DMD: variants seen among roughly 807,000 people sequenced by gnomAD.
DMD encodes the protein dystrophin.
DMD carries 63 observed loss-of-function variants against 330.1 expected under a neutral mutation model. The ratio of observed to expected loss-of-function variants is 0.19; its 90% CI spans 0.16 to 0.24. DMD has a LOEUF of 0.24. Ranked by LOEUF, DMD falls within the 10% of genes least tolerant of loss-of-function variation. The pLI, the probability that DMD is intolerant of heterozygous loss-of-function variation, is 1.00. For missense variants in DMD, 3,344 were observed against 2,684.1 expected, an observed-to-expected ratio of 1.25 and a Z score of -5.43; for synonymous variants, 1,223 against 959.8, an observed-to-expected ratio of 1.27 and a Z score of -5.07.
intron 1 of DMD, among the ~76,000 whole-genome samples, chrX:33,074,579 G>C (rs919264542): frequency 5.4e-5 from 6 of 110,934 alleles, no homozygotes; most frequent in African/African-American, 2.0e-4. Flanking sequence ...TGAAAGTTCT[G>C]CCCTAATGGA....
chrX:32,739,156 G>T (rs951192363), intron 7 of DMD, among the ~76,000 whole-genome samples: 1 of 111,577 alleles, frequency 9.0e-6, no homozygotes, highest in African/African-American at 3.3e-5. Flanking sequence ...ATGAGGAAAA[G>T]GCTCAGGGAT....
chrX:32,589,755 T>C (rs1280558713), intron 13 of DMD, among the ~76,000 whole-genome samples: 1 of 111,611 alleles, frequency 9.0e-6, no homozygotes, highest in East Asian at 2.8e-4. Context: ...GTATATGATA[T>C]TCTAACTCCT....
intron 60 of DMD, among the ~76,000 whole-genome samples, chrX:31,369,991 C>T (rs1263605540): frequency 7.5e-5 from 8 of 106,985 alleles, no homozygotes; most frequent in East Asian, 2.9e-4. Context: ...CCCAGCTACT[C>T]GGGAGGCTGA....
chrX:32,738,395 A>G (rs1361563493), intron 7 of DMD, among the ~76,000 whole-genome samples: 2 of 111,656 alleles, frequency 1.8e-5, no homozygotes, highest in Non-Finnish European at 3.8e-5. Context: ...CCTATTAGTT[A>G]TCTGTATAAT....
chrX:32,500,603 T>G lies in DMD; in HGVS notation c.2380+1152A>C, dbSNP rs183867082. Among the ~76,000 whole-genome samples, 31 of 111,895 alleles carry G rather than the reference T, an allele frequency of 2.8e-4. No homozygotes were observed. In the East Asian group the frequency reaches 8.1e-3, roughly 29 times the overall value. On this transcript the variant is annotated intron_variant, in intron 19 of 78. Transcript: ENST00000357033. ...TACATAACAACTAGGAGAATATTTT[T>G]AGATCACATAATTTTATTTAACATG...
chrX:32,658,350 C>CT (rs1252056984), intron 9 of DMD, among the ~76,000 whole-genome samples: 2 of 111,022 alleles, frequency 1.8e-5, no homozygotes, highest in Non-Finnish European at 3.8e-5. Context: ...TAACCTTAAG[C>CT]TTTTTTCTGT....
chrX:31,144,036 T>C (rs1324719501), intron 76 of DMD, among the ~76,000 whole-genome samples: 1 of 111,927 alleles, frequency 8.9e-6, no homozygotes, highest in African/African-American at 3.2e-5. Context: ...GAGATTGCCT[T>C]AAATCATGGA....
At chrX:31,615,004 A>G (rs1324671757) in intron 55 of DMD, among the ~76,000 whole-genome samples, 4 of 111,670 alleles carry the variant, frequency 3.6e-5, no homozygotes, top group Non-Finnish European at 3.8e-5. Flanking sequence ...TATCCCCTCA[A>G]TTTACACTTT....
intron 51 of DMD, among the ~76,000 whole-genome samples, chrX:31,736,280 A>G (rs994298081): frequency 1.8e-5 from 2 of 112,049 alleles, no homozygotes; most frequent in Non-Finnish European, 1.9e-5. Flanking sequence ...GGCCTCAGGA[A>G]AAGCTGAACA....
At chrX:32,516,390 A>G (rs1053801172) in intron 18 of DMD, among the ~76,000 whole-genome samples, 2 of 112,008 alleles carry the variant, frequency 1.8e-5, no homozygotes, top group African/African-American at 3.2e-5. Context: ...CTCACAAGGT[A>G]TCAGAAAACC....
intron 48 of DMD, among the ~76,000 whole-genome samples, chrX:31,869,404 ATTT>A (rs34962396): frequency 1.8e-4 from 15 of 83,137 alleles, no homozygotes; most frequent in Admixed American, 5.8e-4. Context: ...AAACGACATG[ATTT>A]TTTTTTTTTT....
chrX:33,028,364 G>T (rs1273094757), intron 1 of DMD, among the ~76,000 whole-genome samples: 1 of 111,828 alleles, frequency 8.9e-6, no homozygotes, highest in Non-Finnish European at 1.9e-5. Context: ...TATATTAAGA[G>T]AACTAACTTG....
intron 1 of DMD, among the ~76,000 whole-genome samples, chrX:33,320,572 C>T (rs925018715): frequency 8.9e-6 from 1 of 112,302 alleles, no homozygotes; most frequent in African/African-American, 3.2e-5. Flanking sequence ...AATCTTTTTG[C>T]TAGTGGAGGC....
intron 1 of DMD, among the ~76,000 whole-genome samples, chrX:33,133,301 A>G (rs745569713): frequency 7.3e-4 from 81 of 111,626 alleles, no homozygotes; most frequent in Non-Finnish European, 8.1e-4. Context: ...TTAAAACTAG[A>G]ACTGCAATAA....
chrX:31,948,858 T>C (rs1036141072), intron 45 of DMD, among the ~76,000 whole-genome samples: 1 of 111,353 alleles, frequency 9.0e-6, no homozygotes, highest in East Asian at 2.8e-4. Context: ...TGACCATAAA[T>C]ATAAGAGTTT....
Position 31,311,580 on chromosome X carries a change from G to A in DMD, c.9224+12018C>T, listed in dbSNP as rs111716243. Among the ~76,000 whole-genome samples the A allele has an allele frequency of 2.5e-3, 275 of 111,636 alleles. 2 individuals are homozygous for A. Among genetic ancestry groups the A allele is most frequent in the African/African-American group, 8.7e-3 (266 of 30,714 alleles). On this transcript the variant is annotated intron_variant, in intron 62 of 78. Coordinates refer to ENST00000357033, the MANE Select transcript of DMD (RefSeq NM_004006.3). The stretch of plus-strand genomic sequence containing the variant: ...GTAGTATAGTTTGAATTCAGGTGGT[G>A]TGATGCCTCTAGCTTTGTTCTTTTT...
At chrX:32,008,193 G>A (rs1456442124) in intron 44 of DMD, among the ~76,000 whole-genome samples, 1 of 110,998 alleles carries the variant, frequency 9.0e-6, no homozygotes, top group Non-Finnish European at 1.9e-5. Flanking sequence ...CTCCTCAAAA[G>A]CTTTCCCTTC....
chrX:31,460,213 A>G (rs2066445782), intron 59 of DMD, among the ~76,000 whole-genome samples: 2 of 110,502 alleles, frequency 1.8e-5, no homozygotes, highest in African/African-American at 6.6e-5. Flanking sequence ...TTCAGCTAAG[A>G]CTCTTTTCTA....
At chrX:31,992,097 TGG>T (rs1359943774) in intron 44 of DMD, among the ~76,000 whole-genome samples, 1 of 111,722 alleles carries the variant, frequency 9.0e-6, no homozygotes, top group Non-Finnish European at 1.9e-5. Context: ...GTCACTGTAA[TGG>T]GAGCTAATAG....
Sources: gnomAD v4.1 joint callset for allele counts (sites outside exome capture counted in the v4.1 genomes callset) on GRCh38, gnomAD v4.1.1 for gene constraint, MANE v1.5 for transcripts, NCBI Gene and HGNC (gene_info 2026-07-23, HGNC 2026-07-21) for gene names.